Variants in CASP6 observed in about 807,000 individuals in gnomAD.
CASP6 encodes caspase 6.
A neutral mutation model predicts 31.8 loss-of-function variants in CASP6; 20 were observed. That is an observed-to-expected ratio of 0.63 (90% CI 0.44 to 0.91). CASP6 has a LOEUF of 0.91. CASP6 is among the 40% of genes least tolerant of loss of function. CASP6 has a pLI of 0.00. For synonymous variants in CASP6, 130 were observed against 127.8 expected (o/e 1.02, Z -0.12); for missense variants, 328 against 361.1 (o/e 0.91, Z 0.74).
At chr4:109,683,674 C>T (rs1729766835), downstream of CASP6, among the ~76,000 whole-genome samples, 1 of 152,150 alleles carries the variant, frequency 6.6e-6, no homozygotes, top group Non-Finnish European at 1.5e-5. Flanking sequence ...AGAAATCTCT[C>T]CTTATTGGCA....
chr4:109,680,959 A>G, the CASP6 span, among the ~76,000 whole-genome samples: 2 of 152,202 alleles, frequency 1.3e-5, no homozygotes. Flanking sequence ...TTATAAACCC[A>G]TGGAGGAGGT....
chr4:109,673,815 C>T, the CASP6 span: 2 of 710,072 alleles, frequency 2.8e-6, no homozygotes. Flanking sequence ...GGTTTTTTCG[C>T]TCTAGGGAGA....
At chr4:109,692,481 G>C (rs1730088077) in intron 5 of CASP6, 1 of 152,208 alleles carries the variant, frequency 6.6e-6, no homozygotes, top group Non-Finnish European at 1.5e-5. Context: ...TCTTCCCACA[G>C]TAGCTCATTA....
In CASP6 at chr4:109,691,015, A is replaced by T; in HGVS notation, c.484-6T>A. The T allele has an allele frequency of 6.2e-7, 1 of 1,605,898 alleles. No individual in the cohort carries two copies. The highest frequency in any genetic ancestry group is 8.5e-7 in the Non-Finnish European group (1 of 1,176,192). ...TGCTGGTTTCCCCGACATGCCTACAAGACAAGGAGGAAAAACCCACCTCTT... is the reference window on the plus strand; with the variant it reads ...TGCTGGTTTCCCCGACATGCCTACATGACAAGGAGGAAAAACCCACCTCTT... On this transcript the variant is annotated splice_region_variant and splice_polypyrimidine_tract_variant and intron_variant, in intron 5 of 6. Transcript: ENST00000265164.
chr4:109,689,617 T>C (rs747061387), intron 6 of CASP6, 49 bp from the exon 7 acceptor site: 2 of 1,492,576 alleles, frequency 1.3e-6, no homozygotes, highest in Admixed American at 1.7e-5. Flanking sequence ...GGCTTTCAAT[T>C]ACTGTGTGTA....
chr4:109,701,069 C>T (rs927924203), intron 1 of CASP6, among the ~76,000 whole-genome samples: 6 of 151,616 alleles, frequency 4.0e-5, no homozygotes, highest in South Asian at 2.1e-4. Flanking sequence ...GCGATTCTCC[C>T]GCCTCAGCCT....
At chr4:109,684,252 C>T (rs796424446), downstream of CASP6, among the ~76,000 whole-genome samples, 42 of 151,932 alleles carry the variant, frequency 2.8e-4, no homozygotes, top group African/African-American at 9.6e-4. Context: ...TTAGTAGAGA[C>T]GGGGTTTCAC....
intron 1 of CASP6, among the ~76,000 whole-genome samples, chr4:109,699,380 C>T (rs1003933901): frequency 2.0e-5 from 3 of 152,144 alleles, no homozygotes; most frequent in African/African-American, 7.2e-5. Context: ...GCCCCCATCA[C>T]CTGATTGATC....
At chr4:109,703,673 C>T (rs2126162688), upstream of CASP6, 2 of 526,790 alleles carry the variant, frequency 3.8e-6, no homozygotes, top group East Asian at 6.5e-5. Context: ...CTGGGACTAA[C>T]CGTGCCCTGG....
chr4:109,682,650 A>G, the CASP6 span: 4 of 1,613,194 alleles, frequency 2.5e-6, no homozygotes, highest in African/African-American at 1.3e-5. Flanking sequence ...ACTATTTACA[A>G]TCTTGCATTT....
the CASP6 span, among the ~76,000 whole-genome samples, chr4:109,670,467 C>T: frequency 6.6e-6 from 1 of 152,164 alleles, no homozygotes; most frequent in African/African-American, 2.4e-5. Context: ...CCTTTAATCC[C>T]AGCACTTTGA....
chr4:109,666,783 C>T, the CASP6 span, among the ~76,000 whole-genome samples: 1,028 of 152,228 alleles, frequency 6.8e-3, 9 homozygotes, highest in African/African-American at 0.023. Flanking sequence ...TCCTGGTTTG[C>T]TGAGAGTCTT....
chr4:109,675,440 A>T, the CASP6 span, among the ~76,000 whole-genome samples: 1 of 152,324 alleles, frequency 6.6e-6, no homozygotes, highest in Admixed American at 6.5e-5. Context: ...TTGAACCAAC[A>T]TTTGCATAGT....
At chr4:109,693,497 A>G (rs1730138557) in intron 5 of CASP6, among the ~76,000 whole-genome samples, 1 of 151,988 alleles carries the variant, frequency 6.6e-6, no homozygotes, top group African/African-American at 2.4e-5. Flanking sequence ...AGACCACACT[A>G]GCCAACATGG....
the CASP6 span, among the ~76,000 whole-genome samples, chr4:109,667,276 A>G: frequency 6.6e-6 from 1 of 152,104 alleles, no homozygotes; most frequent in Non-Finnish European, 1.5e-5. Context: ...GTATAGGCTT[A>G]TGTAGATTGT....
the CASP6 span, among the ~76,000 whole-genome samples, chr4:109,672,691 G>A: frequency 6.6e-6 from 1 of 152,268 alleles, no homozygotes. Flanking sequence ...TTCTAGATCA[G>A]GCAAGAGCCA....
chr4:109,678,046 C>T, the CASP6 span, among the ~76,000 whole-genome samples: 2 of 151,910 alleles, frequency 1.3e-5, no homozygotes, highest in African/African-American at 4.8e-5. Flanking sequence ...CTTCAGGCAT[C>T]TGTTTAACAA....
At chr4:109,666,176 G>A in the CASP6 span, among the ~76,000 whole-genome samples, 2 of 152,144 alleles carry the variant, frequency 1.3e-5, no homozygotes, top group African/African-American at 4.8e-5. Context: ...TTCATTATCT[G>A]TATGTACCAC....
chr4:109,698,801 T>C (rs560348751), intron 1 of CASP6, among the ~76,000 whole-genome samples: 1 of 152,246 alleles, frequency 6.6e-6, no homozygotes, highest in African/African-American at 2.4e-5. Flanking sequence ...GAAGTTTGGG[T>C]GGAGGAAGGG....
Sources: allele counts gnomAD v4.1 joint callset (sites outside exome capture counted in the v4.1 genomes callset), GRCh38; gene constraint gnomAD v4.1.1; transcripts MANE v1.5; gene names NCBI Gene and HGNC (gene_info 2026-07-23, HGNC 2026-07-21).